NUP133: variants seen among roughly 807,000 people sequenced by gnomAD.
NUP133 encodes the protein nuclear pore complex protein Nup133.
Under a neutral mutation model 146.2 loss-of-function variants are expected in NUP133, and 66 were observed. The observed-to-expected ratio is 0.45, with a 90% CI of 0.37 to 0.55. The LOEUF (loss-of-function observed/expected upper bound fraction) is 0.55, where lower values mean the gene tolerates loss of function less well. Among genes scored for constraint, NUP133 ranks in the 20% least tolerant of loss-of-function variants. NUP133 has a pLI of 0.00. For missense variants in NUP133, 1,277 were observed against 1,374.8 expected, an observed-to-expected ratio of 0.93 and a Z score of 1.12; for synonymous variants, 521 against 498.8, an observed-to-expected ratio of 1.04 and a Z score of -0.59.
chr1:229,462,564 ATTT>A (rs879753600), intron 19 of NUP133, among the ~76,000 whole-genome samples: 1 of 146,202 alleles, frequency 6.8e-6, no homozygotes, highest in Non-Finnish European at 1.5e-5. Flanking sequence ...CACAATGGAA[ATTT>A]TTTTTTTTTT....
At chr1:229,457,142 T>C (rs771780270) in intron 21 of NUP133, among the ~76,000 whole-genome samples, 9 of 152,154 alleles carry the variant, frequency 5.9e-5, no homozygotes, top group Non-Finnish European at 1.3e-4. Context: ...ATTTTTTTAA[T>C]TGACGCATAA....
chr1:229,441,323 T>C lies in NUP133; in HGVS notation c.*581A>G. On this transcript the variant is annotated 3_prime_UTR_variant, in exon 26 of 26. Transcript: ENST00000261396. Reference sequence around the variant, plus strand: ...ACTTTCATTAGTGCTCATTTATTATTTATGTAGAAAAGTTTAAAATGCTCC... The same window carrying C: ...ACTTTCATTAGTGCTCATTTATTATCTATGTAGAAAAGTTTAAAATGCTCC... 2.2e-6 allele frequency: 1 copy of C among 460,146 alleles called. No homozygotes were observed. The highest frequency in any genetic ancestry group is 1.6e-5 in the South Asian group (1 of 62,142). 28.5% of individuals were successfully genotyped at this position (460,146 alleles called of 1,614,324 possible). A position where few individuals can be genotyped will look rare whatever the true frequency, so the allele number is the denominator to read the frequency against.
chr1:229,477,908 T>C (rs1661117964), intron 12 of NUP133, 148 bp from the exon 13 acceptor site: 4 of 560,310 alleles, frequency 7.1e-6, no homozygotes, highest in African/African-American at 1.9e-5. Flanking sequence ...CTGGAGGACA[T>C]GTTAAGTGAA....
In NUP133 at chr1:229,490,107, T is replaced by A. The variant is rs1440927353; in HGVS notation, c.1047-5A>T. 3 of 1,537,886 alleles carry A rather than the reference T, an allele frequency of 2.0e-6. No homozygotes were observed. Among genetic ancestry groups the A allele is most frequent in the South Asian group, 2.5e-5 (2 of 79,628 alleles). ...GCCAAAATCACCAGCCCATCACTAA[T>A]CAATAAAAAAGGAAGATGTAAAGCC... is the stretch of plus-strand genomic sequence containing the variant. On this transcript the variant is annotated splice_region_variant and splice_polypyrimidine_tract_variant and intron_variant, in intron 8 of 25. Transcript: ENST00000261396.
At chr1:229,442,205 C>T (rs566052661) in intron 25 of NUP133, among the ~76,000 whole-genome samples, 165 bp from the exon 26 acceptor site, 2 of 152,362 alleles carry the variant, frequency 1.3e-5, no homozygotes, top group East Asian at 3.9e-4. Context: ...AACATACTTT[C>T]AAGTCTAACA....
Position 229,465,444 on chromosome 1 carries a change from CT to C in NUP133, c.2274del (p.Glu759AsnfsTer19). Reference sequence around the variant, plus strand: ...CCCGTCCATGGAACATATTCAGGTTCTTTTTCTAGTGATTCTTCTCTTCTAT... The same window carrying C: ...CCCGTCCATGGAACATATTCAGGTTCTTTTCTAGTGATTCTTCTCTTCTAT... ...SLYRREESLE[K>X]EPEYVPWTAT... is the part of the protein sequence containing the mutation. On this transcript the variant is annotated frameshift_variant, in exon 17 of 26. Coordinates refer to ENST00000261396, the MANE Select transcript of NUP133 (RefSeq NM_018230.3). LOFTEE classifies it high-confidence loss of function. 1 of 1,612,570 alleles carries C rather than the reference CT, an allele frequency of 6.2e-7. No individual in the cohort carries two copies. Among genetic ancestry groups the C allele is most frequent in the Non-Finnish European group, 8.5e-7 (1 of 1,178,694 alleles).
intron 13 of NUP133, among the ~76,000 whole-genome samples, chr1:229,476,928 C>CAA (rs745478707): frequency 0.034 from 2,441 of 71,896 alleles, 85 homozygotes; most frequent in African/African-American, 0.11. Flanking sequence ...ACCCTGTTTC[C>CAA]AAAAAAAAAA....
Position 229,481,029 on chromosome 1 carries a change from C to T in NUP133, c.1592+3025G>A, listed in dbSNP as rs193138512. Among the ~76,000 whole-genome samples, 723 of 152,144 alleles carry T rather than the reference C, an allele frequency of 4.8e-3. 6 individuals are homozygous for T. The highest frequency in any genetic ancestry group is 5.1e-3 in the Non-Finnish European group (350 of 67,986). On this transcript the variant is annotated intron_variant, in intron 12 of 25. Transcript: ENST00000261396. ...ATGTTAATGGGGTTGAGAAATCCAG[C>T]TTTAAAGGCACCACAATTCTGTTTG...
intron 1 of NUP133, chr1:229,507,786 G>T: frequency 2.9e-6 from 1 of 339,494 alleles, no homozygotes; most frequent in Non-Finnish European, 4.2e-6. Flanking sequence ...AGATCACACG[G>T]GTAGTAGGTG....
intron 14 of NUP133, among the ~76,000 whole-genome samples, chr1:229,472,024 T>C (rs1325688099): frequency 6.6e-6 from 1 of 152,184 alleles, no homozygotes; most frequent in African/African-American, 2.4e-5. Flanking sequence ...CTCAAAAATA[T>C]TTTAGGTGTA....
intron 16 of NUP133, 107 bp downstream of exon 16, chr1:229,466,527 C>A: frequency 8.3e-7 from 1 of 1,198,274 alleles, no homozygotes; most frequent in Non-Finnish European, 1.2e-6. Flanking sequence ...CAAATGTCTA[C>A]AACCTTATAC....
At chr1:229,474,099 C>T (rs1661017453) in intron 14 of NUP133, among the ~76,000 whole-genome samples, 1 of 152,166 alleles carries the variant, frequency 6.6e-6, no homozygotes, top group African/African-American at 2.4e-5. Context: ...GAAGCCAGTC[C>T]AGCCCAGAGC....
intron 2 of NUP133, among the ~76,000 whole-genome samples, chr1:229,503,069 C>A (rs1018578594): frequency 1.3e-5 from 2 of 151,990 alleles, no homozygotes; most frequent in Non-Finnish European, 2.9e-5. Flanking sequence ...AGTTCGAGAC[C>A]AGCCTGGCCA....
intron 15 of NUP133, among the ~76,000 whole-genome samples, chr1:229,470,165 C>T (rs990238293): frequency 3.3e-5 from 5 of 151,682 alleles, no homozygotes; most frequent in African/African-American, 1.2e-4. Context: ...GACATCAAAC[C>T]CCATCTCTAC....
intron 8 of NUP133, among the ~76,000 whole-genome samples, chr1:229,493,907 C>T (rs1248912546): frequency 6.6e-6 from 1 of 152,024 alleles, no homozygotes; most frequent in Non-Finnish European, 1.5e-5. Flanking sequence ...CTGAGGTGGG[C>T]AGATCACGAG....
chr1:229,465,345 GA>G, intron 17 of NUP133, 74 bp downstream of exon 17: 1 of 1,160,348 alleles, frequency 8.6e-7, no homozygotes, highest in Non-Finnish European at 1.3e-6. Context: ...TACGCTAGGG[GA>G]ATAACACAAC....
At chr1:229,504,248 A>G (rs757090409) in intron 2 of NUP133, among the ~76,000 whole-genome samples, 1 of 152,202 alleles carries the variant, frequency 6.6e-6, no homozygotes, top group Non-Finnish European at 1.5e-5. Context: ...AAACGAACAA[A>G]ATTTACTAAA....
chr1:229,506,049 A>G lies in NUP133; in HGVS notation c.292T>C (p.Leu98=), dbSNP rs935187549. The part of the protein sequence containing the change: ...LPVKVMEALT[L]AEVDDQLTIN... ...GAAAGATGACACCTACCTTCAGCCA[A>G]TGTTAGGGCTTCCATGACTTTAACA... Residue 98 remains leucine, a synonymous_variant, in exon 2 of 26, where the codon TTG becomes CTG. Transcript: ENST00000261396. 2 of 1,592,206 alleles carry G rather than the reference A, an allele frequency of 1.3e-6. No individual in the cohort carries two copies. The highest frequency in any genetic ancestry group is 1.3e-5 in the African/African-American group (1 of 74,476).
At chr1:229,464,057 A>G (rs1660756006) in intron 18 of NUP133, among the ~76,000 whole-genome samples, 1 of 152,182 alleles carries the variant, frequency 6.6e-6, no homozygotes, top group South Asian at 2.1e-4. Context: ...AGGCAGGAGA[A>G]TTGTTTGAAC....
Sources: allele counts gnomAD v4.1 joint callset (sites outside exome capture counted in the v4.1 genomes callset), GRCh38; gene constraint gnomAD v4.1.1; transcripts MANE v1.5; gene names NCBI Gene and HGNC (gene_info 2026-07-23, HGNC 2026-07-21).